Variants in NCAM1 observed in about 807,000 individuals in gnomAD.
The protein encoded by NCAM1 is antigen recognized by monoclonal antibody 5.1H11.
A neutral mutation model predicts 109.8 loss-of-function variants in NCAM1; 14 were observed. The observed-to-expected ratio is 0.13, with a 90% CI of 0.08 to 0.20. NCAM1 has a LOEUF of 0.20. Among genes scored for constraint, NCAM1 ranks in the 10% least tolerant of loss-of-function variants. NCAM1 has a pLI of 1.00. For missense variants in NCAM1, 774 were observed against 1,109.9 expected (o/e 0.70, Z 4.30); for synonymous variants, 418 against 442.9 (o/e 0.94, Z 0.70).
At chr11:113,238,777 T>C (rs1945245874) in intron 14 of NCAM1, among the ~76,000 whole-genome samples, 1 of 152,158 alleles carries the variant, frequency 6.6e-6, no homozygotes, top group South Asian at 2.1e-4. Flanking sequence ...TGTAATACTG[T>C]TGGGATGCAG....
chr11:113,198,181 T>C (rs1258016517), intron 1 of NCAM1, among the ~76,000 whole-genome samples: 12 of 152,034 alleles, frequency 7.9e-5, no homozygotes, highest in Non-Finnish European at 2.9e-5. Flanking sequence ...GATAGAATAG[T>C]GTGGGAGAAA....
At chr11:113,243,607 T>C (rs1315863496) in intron 14 of NCAM1, 3 of 518,574 alleles carry the variant, frequency 5.8e-6, no homozygotes, top group African/African-American at 5.8e-5. Flanking sequence ...TTCATAATGC[T>C]CTAATGAAGT....
At chr11:113,239,499 CTTTT>C (rs55641415) in intron 14 of NCAM1, among the ~76,000 whole-genome samples, 4 of 110,220 alleles carry the variant, frequency 3.6e-5, no homozygotes, top group Non-Finnish European at 6.8e-5. Context: ...TGAGTCTCTA[CTTTT>C]TTTTTTTTTT....
At chr11:113,108,771 G>GTT (rs565940428) in intron 1 of NCAM1, among the ~76,000 whole-genome samples, 1 of 128,860 alleles carries the variant, frequency 7.8e-6, no homozygotes. Context: ...TCCCTTGAAG[G>GTT]TTTTTTTTTG....
chr11:113,047,172 T>C (rs960088346), intron 1 of NCAM1, among the ~76,000 whole-genome samples: 4 of 151,988 alleles, frequency 2.6e-5, no homozygotes, highest in Admixed American at 6.6e-5. Context: ...TTGTGCCACA[T>C]TTTTTTCTGA....
At chr11:113,142,195 T>C (rs1466734887) in intron 1 of NCAM1, among the ~76,000 whole-genome samples, 1 of 152,120 alleles carries the variant, frequency 6.6e-6, no homozygotes, top group Non-Finnish European at 1.5e-5. Flanking sequence ...GCCTATGAGA[T>C]GGGAATTTGA....
At chr11:113,216,146 ATT>A (rs34687568) in intron 8 of NCAM1, among the ~76,000 whole-genome samples, 303 of 101,492 alleles carry the variant, frequency 3.0e-3, no homozygotes, top group Admixed American at 4.5e-3. Flanking sequence ...CTATGATTTC[ATT>A]TTTTTTTTTT....
intron 1 of NCAM1, among the ~76,000 whole-genome samples, chr11:113,023,864 G>C (rs1213859932): frequency 1.3e-5 from 2 of 152,022 alleles, no homozygotes; most frequent in Non-Finnish European, 2.9e-5. Flanking sequence ...TCCCTCATTG[G>C]GGGTCAATGA....
At chr11:113,189,040 G>A (rs75866599) in intron 1 of NCAM1, among the ~76,000 whole-genome samples, 1,657 of 152,254 alleles carry the variant, frequency 0.011, 27 homozygotes, top group African/African-American at 0.037. Context: ...TGTCCTCTCC[G>A]TAGGCTTTTC....
chr11:112,966,076 C>A (rs1374463368), intron 1 of NCAM1, among the ~76,000 whole-genome samples: 2 of 152,114 alleles, frequency 1.3e-5, no homozygotes, highest in Non-Finnish European at 2.9e-5. Flanking sequence ...AATGTAAATT[C>A]CATAATTGAT....
chr11:113,267,243 A>G lies in NCAM1; in HGVS notation c.2132-2945A>G, dbSNP rs1306806259. ...TTTGTGCAACAAGTATTCTTTGAAC[A>G]TTTTCTGTGAATCAGGATTGTCCTA... On this transcript the variant is annotated intron_variant, in intron 17 of 19. Transcript: ENST00000316851. Among the ~76,000 whole-genome samples the G allele has an allele frequency of 2.6e-5, 4 of 152,154 alleles. No individual in the cohort carries two copies. The South Asian group carries it at 6.2e-4, about 24-fold the overall frequency.
intron 1 of NCAM1, among the ~76,000 whole-genome samples, chr11:113,055,994 TATATATA>T (rs1186765594): frequency 1.0e-5 from 1 of 97,594 alleles, no homozygotes. Flanking sequence ...TATATATATA[TATATATA>T]TATATATATA....
chr11:113,110,995 G>A (rs11822084), intron 1 of NCAM1, among the ~76,000 whole-genome samples: 2,897 of 152,238 alleles, frequency 0.019, 88 homozygotes, highest in African/African-American at 0.066. Flanking sequence ...ATGACTTTGC[G>A]AGATGGGCAC....
chr11:113,218,924 C>A (rs1357665317), intron 8 of NCAM1, among the ~76,000 whole-genome samples: 1 of 152,216 alleles, frequency 6.6e-6, no homozygotes, highest in Non-Finnish European at 1.5e-5. Flanking sequence ...CACTACTCAT[C>A]CTGCCCAGAT....
chr11:112,964,050 C>T (rs923742703), intron 1 of NCAM1, among the ~76,000 whole-genome samples: 48 of 145,476 alleles, frequency 3.3e-4, no homozygotes, highest in African/African-American at 1.2e-3. Flanking sequence ...TTAAAAAAAT[C>T]AAAGAATTCA....
chr11:113,147,968 A>C (rs17115016), intron 1 of NCAM1, among the ~76,000 whole-genome samples: 5,617 of 152,310 alleles, frequency 0.037, 137 homozygotes, highest in Non-Finnish European at 0.056. Context: ...AGAGTTTTAT[A>C]AAATACTATG....
intron 3 of NCAM1, among the ~76,000 whole-genome samples, chr11:113,205,170 G>A (rs1176231044): frequency 1.3e-5 from 2 of 152,150 alleles, no homozygotes; most frequent in Non-Finnish European, 2.9e-5. Flanking sequence ...CTTACTATTC[G>A]TTGTGGAATG....
chr11:113,146,850 GA>G (rs1387480465), intron 1 of NCAM1, among the ~76,000 whole-genome samples: 1 of 151,246 alleles, frequency 6.6e-6, no homozygotes, highest in Non-Finnish European at 1.5e-5. Flanking sequence ...AATCAATATG[GA>G]AAGGTTCCTA....
intron 1 of NCAM1, among the ~76,000 whole-genome samples, chr11:113,137,828 T>C (rs1941657147): frequency 6.6e-6 from 1 of 152,216 alleles, no homozygotes; most frequent in Non-Finnish European, 1.5e-5. Flanking sequence ...ACACACACTC[T>C]GAAGGGTAGC....
Sources: gnomAD v4.1 joint callset for allele counts (sites outside exome capture counted in the v4.1 genomes callset) on GRCh38, gnomAD v4.1.1 for gene constraint, MANE v1.5 for transcripts, NCBI Gene and HGNC (gene_info 2026-07-23, HGNC 2026-07-21) for gene names.